Variants in ATP8B1 observed in about 807,000 individuals in gnomAD.
ATP8B1 encodes phospholipid-transporting ATPase IC.
Under a neutral mutation model 149.9 loss-of-function variants are expected in ATP8B1, and 80 were observed. That is an observed-to-expected ratio of 0.53 (90% CI 0.45 to 0.64). The LOEUF (loss-of-function observed/expected upper bound fraction) is 0.64. Ranked by LOEUF, ATP8B1 falls within the 30% of genes least tolerant of loss-of-function variation. The pLI is 0.00. For missense variants in ATP8B1, 1,247 were observed against 1,552.6 expected (o/e 0.80, Z 3.31); for synonymous variants, 536 against 562.8 (o/e 0.95, Z 0.67).
chr18:57,734,714 TC>T (rs2079828880), intron 1 of ATP8B1, among the ~76,000 whole-genome samples: 1 of 152,174 alleles, frequency 6.6e-6, no homozygotes, highest in South Asian at 2.1e-4. Context: ...CTACTGGTCC[TC>T]AGCACCTCAG....
intron 17 of ATP8B1, among the ~76,000 whole-genome samples, chr18:57,671,111 T>C (rs1337955993): frequency 6.6e-6 from 1 of 152,206 alleles, no homozygotes; most frequent in African/African-American, 2.4e-5. Flanking sequence ...GCACTACAAC[T>C]TGAAGTTAGT....
chr18:57,790,326 A>G (rs1032695348), intron 1 of ATP8B1, among the ~76,000 whole-genome samples: 2 of 151,068 alleles, frequency 1.3e-5, no homozygotes, highest in Non-Finnish European at 3.0e-5. Context: ...CCCACCAACA[A>G]CCAACCCATT....
In ATP8B1 at chr18:57,697,684, T is replaced by G. The variant is rs886043907; in HGVS notation, c.632A>C (p.Asp211Ala). 6.2e-7 allele frequency: 1 copy of G among 1,613,722 alleles called. No homozygotes were observed. The highest frequency in any genetic ancestry group is 8.5e-7 in the Non-Finnish European group (1 of 1,179,966). ...CTCAGAGCTAGACAGCAGGAGAATG[T>G]CAGCCTGTCCAAAACAAAACACACA... ...RLKKNDFVPA[D>A]ILLLSSSEPN... The change falls in exon 8 of 28, where the codon GAC becomes GCC. Residue 211 changes from aspartate (D) to alanine (A), a missense_variant. Transcript: ENST00000648908.
chr18:57,652,738 G>T lies in ATP8B1; in HGVS notation c.3016-9C>A, dbSNP rs34729241. On this transcript the variant is annotated splice_polypyrimidine_tract_variant and intron_variant, in intron 24 of 27. Transcript: ENST00000648908. ...AGTTTGTCACTCACATCCTTAAGGAGAAAACAAAATGATGGTATTTTATTC... is the reference window on the plus strand; with the variant it reads ...AGTTTGTCACTCACATCCTTAAGGATAAAACAAAATGATGGTATTTTATTC... 5,316 of 1,614,026 alleles carry T rather than the reference G, an allele frequency of 3.3e-3. 149 individuals carry two copies. The African/African-American group carries it at 0.063, about 19-fold the overall frequency.
chr18:57,687,016 A>G (rs545429938), intron 13 of ATP8B1, among the ~76,000 whole-genome samples: 1 of 152,084 alleles, frequency 6.6e-6, no homozygotes, highest in African/African-American at 2.4e-5. Context: ...GCTAATTTTT[A>G]AAAATTTTTG....
chr18:57,728,211 C>T (rs1325029128), intron 2 of ATP8B1, among the ~76,000 whole-genome samples: 6 of 152,128 alleles, frequency 3.9e-5, no homozygotes, highest in Admixed American at 6.5e-5. Flanking sequence ...GCAGTTCAGG[C>T]TGCTTAGGCA....
intron 1 of ATP8B1, among the ~76,000 whole-genome samples, chr18:57,787,602 T>C (rs1341554844): frequency 6.6e-6 from 1 of 152,250 alleles, no homozygotes; most frequent in Non-Finnish European, 1.5e-5. Context: ...TTTCCTCTTG[T>C]AATTTTGGCT....
chr18:57,728,633 G>C (rs1025910898), intron 2 of ATP8B1, among the ~76,000 whole-genome samples: 6 of 151,840 alleles, frequency 4.0e-5, no homozygotes, highest in Non-Finnish European at 8.8e-5. Flanking sequence ...AAAGTCATTT[G>C]ATATGGGTTT....
intron 3 of ATP8B1, 93 bp downstream of exon 3, chr18:57,706,397 T>C: frequency 2.0e-6 from 2 of 989,018 alleles, no homozygotes; most frequent in South Asian, 2.7e-5. Flanking sequence ...GGTGGTTACG[T>C]GGAAGGCAGG....
chr18:57,680,167 C>T (rs1911860789), intron 15 of ATP8B1, among the ~76,000 whole-genome samples: 1 of 150,044 alleles, frequency 6.7e-6, no homozygotes, highest in African/African-American at 2.5e-5. Flanking sequence ...ATCCCAGCTA[C>T]TCGGGAGGCT....
intron 1 of ATP8B1, among the ~76,000 whole-genome samples, chr18:57,749,726 T>G (rs559199183): frequency 1.3e-5 from 2 of 152,242 alleles, no homozygotes; most frequent in Non-Finnish European, 2.9e-5. Context: ...TTCTCTCCCT[T>G]CCAGCAACCA....
chr18:57,793,491 G>A (rs2080482878), intron 1 of ATP8B1, among the ~76,000 whole-genome samples: 1 of 151,986 alleles, frequency 6.6e-6, no homozygotes, highest in Non-Finnish European at 1.5e-5. Context: ...ACTCCAAGGA[G>A]CAATGTCCTG....
chr18:57,754,445 A>ATAT (rs1568055294), intron 1 of ATP8B1, among the ~76,000 whole-genome samples: 191 of 136,032 alleles, frequency 1.4e-3, no homozygotes, highest in African/African-American at 5.4e-3. Flanking sequence ...CTAACAAAAA[A>ATAT]ATATATATAT....
Position 57,706,556 on chromosome 18 carries a change from G to T in ATP8B1, c.213C>A (p.Arg71=). 1 of 1,614,052 alleles carries T rather than the reference G, an allele frequency of 6.2e-7. No individual in the cohort carries two copies. Residue 71 remains arginine (R), a synonymous_variant, in exon 3 of 28, where the codon CGC becomes CGA. Coordinates refer to ENST00000648908, the MANE Select transcript of ATP8B1 (RefSeq NM_001374385.1). Reference sequence around the variant, plus strand: ...TAAAGTGAGGTTGTTCGTGGTACTTGCGATCGTTTGCTTTGACTTGCCATG... The same window carrying T: ...TAAAGTGAGGTTGTTCGTGGTACTTTCGATCGTTTGCTTTGACTTGCCATG... ...ECTWQVKAND[R]KYHEQPHFMN...
In ATP8B1 at chr18:57,648,061, A is replaced by T. The variant is rs1262442632; in HGVS notation, c.*427T>A. The T allele has an allele frequency of 6.3e-6, 2 of 316,042 alleles. No homozygotes were observed. The highest frequency in any genetic ancestry group is 1.2e-5 in the Non-Finnish European group (2 of 161,704). 19.6% of individuals were successfully genotyped at this position (316,042 alleles called of 1,614,324 possible). On this transcript the variant is annotated 3_prime_UTR_variant, in exon 28 of 28. Transcript: ENST00000648908. ...GAGTGCAGTGGCGCAATCTCGGCTC[A>T]CTGTAACCTCCATCTCCCAGGTTCA...
Position 57,661,407 on chromosome 18 carries a change from A to C in ATP8B1, c.2474T>G (p.Phe825Cys). 1 of 1,613,696 alleles carries C rather than the reference A, an allele frequency of 6.2e-7. No individual in the cohort carries two copies. Among genetic ancestry groups the C allele is most frequent in the Non-Finnish European group, 8.5e-7 (1 of 1,179,922 alleles). The stretch of plus-strand genomic sequence containing the variant: ...CCGTCTTTCTTCTTCTGTTCTTGGG[A>C]ACTTCAGCTTCAGAATCTTATTTCT... ...TKRNKILKLK[F>C]PRTEEERRMR... is the part of the protein sequence containing the mutation. Residue 825 changes from phenylalanine to cysteine, a missense_variant, in exon 22 of 28, where the codon TTC (phenylalanine) becomes TGC (cysteine). By Grantham distance (205) the Phe-to-Cys change is radical (BLOSUM62 -2). Transcript: ENST00000648908.
intron 1 of ATP8B1, among the ~76,000 whole-genome samples, chr18:57,732,842 C>CGTGAGCCA (rs11281348): frequency 0.98 from 149,658 of 152,220 alleles, 73,622 homozygotes; most frequent in East Asian, 1. Flanking sequence ...GGATTACAGG[C>CGTGAGCCA]CCGCGCCCGG....
intron 4 of ATP8B1, among the ~76,000 whole-genome samples, chr18:57,702,195 C>G (rs1312976874): frequency 6.6e-6 from 1 of 152,184 alleles, no homozygotes; most frequent in Admixed American, 6.6e-5. Context: ...CACTATTGGC[C>G]TATCCAAGAA....
chr18:57,787,879 T>C (rs2080425390), intron 1 of ATP8B1, among the ~76,000 whole-genome samples: 1 of 152,156 alleles, frequency 6.6e-6, no homozygotes, highest in African/African-American at 2.4e-5. Context: ...ATCCATTGTG[T>C]AGACATGACA....
Sources: allele counts gnomAD v4.1 joint callset (sites outside exome capture counted in the v4.1 genomes callset), GRCh38; gene constraint gnomAD v4.1.1; transcripts MANE v1.5; gene names NCBI Gene and HGNC (gene_info 2026-07-23, HGNC 2026-07-21).